Variants in BUD13 observed in about 807,000 individuals in gnomAD.
BUD13 encodes BUD13 spliceosome associated protein.
Under a neutral mutation model 62.5 loss-of-function variants are expected in BUD13, and 47 were observed. The observed-to-expected ratio is 0.75, with a 90% CI of 0.60 to 0.96. The LOEUF (loss-of-function observed/expected upper bound fraction) is 0.96. Ranked by LOEUF, BUD13 falls within the 40% of genes least tolerant of loss-of-function variation. BUD13 has a pLI of 0.00. For synonymous variants in BUD13, 293 were observed against 280.1 expected (o/e 1.05, Z -0.46); for missense variants, 821 against 790.9 (o/e 1.04, Z -0.46).
intron 3 of BUD13, among the ~76,000 whole-genome samples, chr11:116,764,438 T>C (rs1308611565): frequency 6.6e-6 from 1 of 152,122 alleles, no homozygotes; most frequent in Non-Finnish European, 1.5e-5. Context: ...TTGGTAAGCG[T>C]ACTTCCAATA....
rs144760620 is a variant in BUD13, at chr11:116,750,102, A to G, written c.1767-1527T>C. Reference sequence around the variant, plus strand: ...ATACTGATTTGGAAATCATGTACATATAGGTCATAGTTGAAAACATGACTA... The same window carrying G: ...ATACTGATTTGGAAATCATGTACATGTAGGTCATAGTTGAAAACATGACTA... On this transcript the variant is annotated intron_variant, in intron 9 of 9. Coordinates refer to ENST00000260210, the MANE Select transcript of BUD13 (RefSeq NM_032725.4). Among the ~76,000 whole-genome samples, 361 of 152,372 alleles carry G rather than the reference A, an allele frequency of 2.4e-3. 4 individuals are homozygous for G. The highest frequency in any genetic ancestry group is 8.4e-3 in the African/African-American group (349 of 41,588).
chr11:116,749,846 C>T (rs536916298), intron 9 of BUD13, among the ~76,000 whole-genome samples: 9 of 152,046 alleles, frequency 5.9e-5, no homozygotes, highest in East Asian at 3.9e-4. Flanking sequence ...TAAAGAGGGA[C>T]GGAAGAGAGA....
intron 9 of BUD13, among the ~76,000 whole-genome samples, chr11:116,755,418 G>A (rs1311499978): frequency 6.6e-6 from 1 of 152,154 alleles, no homozygotes; most frequent in Non-Finnish European, 1.5e-5. Context: ...AATGCATGAT[G>A]TTATAAAATC....
intron 5 of BUD13, among the ~76,000 whole-genome samples, chr11:116,760,449 C>A (rs1940408914): frequency 6.6e-6 from 1 of 152,130 alleles, no homozygotes; most frequent in Non-Finnish European, 1.5e-5. Flanking sequence ...TCGGTTTATT[C>A]CTAAGAAAAT....
Position 116,772,974 on chromosome 11 carries a change from G to T in BUD13, c.-10C>A. ...GCGGAGCTGCCGCCATGGCAGCGGC[G>T]GGGGCAGAGAGACGGGTCGGCGCTG... is the stretch of plus-strand genomic sequence containing the variant. On this transcript the variant is annotated 5_prime_UTR_variant, in exon 1 of 10. Coordinates refer to ENST00000260210, the MANE Select transcript of BUD13 (RefSeq NM_032725.4). 2.0e-6 allele frequency: 3 copies of T among 1,531,212 alleles called. No individual in the cohort carries two copies. The highest frequency in any genetic ancestry group is 2.4e-5 in the South Asian group (2 of 84,774). 94.9% of individuals were successfully genotyped at this position (1,531,212 alleles called of 1,614,324 possible).
intron 3 of BUD13, among the ~76,000 whole-genome samples, 171 bp from the exon 4 acceptor site, chr11:116,763,437 T>C (rs1940475526): frequency 6.6e-6 from 1 of 152,152 alleles, no homozygotes; most frequent in East Asian, 1.9e-4. Context: ...CACTCATGAA[T>C]ATCTTAAGAA....
chr11:116,753,955 G>A (rs1000182040), intron 9 of BUD13, among the ~76,000 whole-genome samples: 1 of 152,158 alleles, frequency 6.6e-6, no homozygotes, highest in African/African-American at 2.4e-5. Flanking sequence ...ACCTTATATA[G>A]CTACAGAATA....
chr11:116,760,254 CA>C (rs1455359878), intron 5 of BUD13, among the ~76,000 whole-genome samples: 2 of 152,214 alleles, frequency 1.3e-5, no homozygotes, highest in Non-Finnish European at 2.9e-5. Context: ...GCTTAATTAT[CA>C]TAACAACCTT....
chr11:116,749,979 G>C (rs956373847), intron 9 of BUD13, among the ~76,000 whole-genome samples: 43 of 152,356 alleles, frequency 2.8e-4, no homozygotes, highest in African/African-American at 9.6e-4. Flanking sequence ...AGTAGAAGCT[G>C]ATGAGTTCAG....
At chr11:116,759,339 T>C (rs748033515) in intron 5 of BUD13, among the ~76,000 whole-genome samples, 160 bp from the exon 6 acceptor site, 1 of 152,158 alleles carries the variant, frequency 6.6e-6, no homozygotes, top group African/African-American at 2.4e-5. Flanking sequence ...TCAAAAACTA[T>C]AAAAGAAAAC....
At chr11:116,765,115 G>T (rs564048039) in intron 3 of BUD13, among the ~76,000 whole-genome samples, 5 of 152,260 alleles carry the variant, frequency 3.3e-5, no homozygotes, top group South Asian at 2.1e-4. Context: ...GTGCTCAAAG[G>T]CCTCCAAATT....
intron 1 of BUD13, among the ~76,000 whole-genome samples, chr11:116,772,392 A>T (rs1159579729): frequency 1.3e-5 from 2 of 152,232 alleles, no homozygotes; most frequent in Non-Finnish European, 2.9e-5. Flanking sequence ...TATTACTAAG[A>T]GTAACAGGAG....
At chr11:116,759,224 G>A (rs1442431008) in intron 5 of BUD13, 45 bp from the exon 6 acceptor site, 1 of 1,390,322 alleles carries the variant, frequency 7.2e-7, no homozygotes, top group Admixed American at 1.7e-5. Flanking sequence ...GAGATGATGT[G>A]ACAGTAGGCT....
Position 116,762,573 on chromosome 11 carries a change from T to A in BUD13, c.1016A>T (p.Lys339Met). The A allele has an allele frequency of 6.2e-7, 1 of 1,611,504 alleles. No homozygotes were observed. Among genetic ancestry groups the A allele is most frequent in the East Asian group, 2.2e-5 (1 of 44,862 alleles). The part of the protein sequence containing the change: ...KKQAKSHFGD[K>M]KQLDSKGDCQ... ...CTCACCTTTGGAATCAAGCTGCTTC[T>A]TGTCTCCAAAATGGGATTTTGCTTG... The change falls in exon 4 of 10, where the codon AAG becomes ATG. Residue 339 changes from lysine to methionine, a missense_variant. By Grantham distance (95) the Lys-to-Met change is moderately conservative. Coordinates refer to ENST00000260210, the MANE Select transcript of BUD13 (RefSeq NM_032725.4).
intron 9 of BUD13, among the ~76,000 whole-genome samples, chr11:116,748,933 G>A (rs1299171102): frequency 2.7e-5 from 4 of 148,318 alleles, no homozygotes; most frequent in Non-Finnish European, 5.9e-5. Flanking sequence ...TGCAGTGAGC[G>A]GAGATCGTGC....
chr11:116,759,317 T>C (rs1395850892), intron 5 of BUD13, 138 bp from the exon 6 acceptor site: 1 of 600,482 alleles, frequency 1.7e-6, no homozygotes, highest in African/African-American at 1.8e-5. Context: ...TTCTCAATAA[T>C]TACCATAGGA....
intron 1 of BUD13, 142 bp downstream of exon 1, chr11:116,772,680 A>C: frequency 2.2e-5 from 26 of 1,191,938 alleles, no homozygotes; most frequent in Non-Finnish European, 2.9e-5. Flanking sequence ...AAGCGATGTG[A>C]GTGGGGCCCT....
At chr11:116,763,343 G>C (rs1734112436) in intron 3 of BUD13, 77 bp from the exon 4 acceptor site, 4 of 1,346,902 alleles carry the variant, frequency 3.0e-6, no homozygotes, top group Admixed American at 2.5e-5. Flanking sequence ...AGTTTCAAAA[G>C]ATGCTCCAGT....
chr11:116,757,963 G>T lies in BUD13; in HGVS notation c.1500-13C>A. On this transcript the variant is annotated splice_polypyrimidine_tract_variant and intron_variant, in intron 7 of 9. Transcript: ENST00000260210. ...GCTCTGGGCAAGCCTGGGCAAAAAGGAACCAAGAGTGTTTGCTATCCTGTA... is the reference window on the plus strand; with the variant it reads ...GCTCTGGGCAAGCCTGGGCAAAAAGTAACCAAGAGTGTTTGCTATCCTGTA... The T allele has an allele frequency of 6.2e-7, 1 of 1,612,830 alleles. No individual in the cohort carries two copies. The highest frequency in any genetic ancestry group is 8.5e-7 in the Non-Finnish European group (1 of 1,179,836).
Sources: gnomAD v4.1 joint callset for allele counts (sites outside exome capture counted in the v4.1 genomes callset) on GRCh38, gnomAD v4.1.1 for gene constraint, MANE v1.5 for transcripts, NCBI Gene and HGNC (gene_info 2026-07-23, HGNC 2026-07-21) for gene names.